The following SEC23B variants were observed in gnomAD, a reference collection of about 807,000 sequenced individuals.
The protein encoded by SEC23B is SEC23 homolog B, COPII component, also known as protein transport protein Sec23B.
In SEC23B, 77 loss-of-function variants were observed where a neutral mutation model predicts 104.3. That is an observed-to-expected ratio of 0.74 (90% CI 0.61 to 0.89). The LOEUF is 0.89. Among genes scored for constraint, SEC23B ranks in the 40% least tolerant of loss-of-function variants. SEC23B has a pLI of 0.00. For synonymous variants in SEC23B, 338 were observed against 332.5 expected, an observed-to-expected ratio of 1.02 and a Z score of -0.18; for missense variants, 885 against 949.4, an observed-to-expected ratio of 0.93 and a Z score of 0.89.
chr20:18,549,846 C>T (rs190683434), intron 16 of SEC23B, among the ~76,000 whole-genome samples: 184 of 151,844 alleles, frequency 1.2e-3, no homozygotes, highest in African/African-American at 4.2e-3. Context: ...CTTGGAATGG[C>T]GCCAATAATC....
At chr20:18,541,216 C>T (rs943500439) in intron 12 of SEC23B, among the ~76,000 whole-genome samples, 19 of 152,350 alleles carry the variant, frequency 1.2e-4, no homozygotes, top group South Asian at 4.1e-4. Flanking sequence ...GAGTTGGGAC[C>T]TTGCTCTGGA....
intron 4 of SEC23B, 53 bp from the exon 5 acceptor site, chr20:18,524,380 C>A: frequency 7.5e-7 from 1 of 1,340,670 alleles, no homozygotes; most frequent in Non-Finnish European, 1.1e-6. Context: ...TTAAAAAGTG[C>A]TGGTTAAGTC....
chr20:18,542,433 G>A, intron 13 of SEC23B, 31 bp downstream of exon 13: 1 of 1,553,962 alleles, frequency 6.4e-7, no homozygotes, highest in Non-Finnish European at 8.9e-7. Flanking sequence ...TTCTGTTGAG[G>A]AACTGACTGA....
intron 10 of SEC23B, 72 bp downstream of exon 10, chr20:18,530,875 C>T (rs1481443189): frequency 3.9e-6 from 5 of 1,286,616 alleles, no homozygotes; most frequent in Non-Finnish European, 5.6e-6. Flanking sequence ...CTCCTGGTCT[C>T]AGGCAATTTT....
intron 12 of SEC23B, among the ~76,000 whole-genome samples, chr20:18,537,258 A>G (rs6045449): frequency 0.13 from 19,608 of 151,544 alleles, 1,341 homozygotes; most frequent in Admixed American, 0.18. Flanking sequence ...CCAAAGGACT[A>G]TAAATCATGC....
chr20:18,519,605 A>G (rs1422000898), intron 4 of SEC23B, among the ~76,000 whole-genome samples: 2 of 152,140 alleles, frequency 1.3e-5, no homozygotes, highest in Admixed American at 6.5e-5. Flanking sequence ...GTGTGTAATG[A>G]AAAGGGTTGG....
chr20:18,559,866 G>A (rs771719793), intron 19 of SEC23B, among the ~76,000 whole-genome samples: 9 of 152,006 alleles, frequency 5.9e-5, no homozygotes, highest in African/African-American at 9.7e-5. Context: ...TAAGATGCCC[G>A]AAGTTTTCAG....
In SEC23B at chr20:18,524,978, C is replaced by T. The variant is rs1251073127; in HGVS notation, c.647C>T (p.Ala216Val). The T allele has an allele frequency of 1.2e-6, 2 of 1,613,872 alleles. No individual in the cohort carries two copies. The highest frequency in any genetic ancestry group is 1.7e-5 in the Admixed American group (1 of 59,990). The change falls in exon 6 of 20, where the codon GCA (alanine) becomes GTA (valine). Residue 216 changes from alanine to valine, a missense_variant. Ala to Val is a moderately conservative substitution (Grantham distance 64, BLOSUM62 0). Transcript: ENST00000650089. ...AAGCCAGCCATGCCCATGCAGCAAG[C>T]ACGACCTGCACAACCACAGGAGCAC... is the stretch of plus-strand genomic sequence containing the variant. The part of the protein sequence containing the change: ...LTKPAMPMQQ[A>V]RPAQPQEHPF...
At chr20:18,534,972 T>G (rs80230154) in intron 11 of SEC23B, among the ~76,000 whole-genome samples, 3,474 of 152,244 alleles carry the variant, frequency 0.023, 64 homozygotes, top group African/African-American at 0.033. Context: ...AAACACCTGC[T>G]TCCTTTAGAA....
At chr20:18,560,426 A>G (rs561814566) in intron 19 of SEC23B, among the ~76,000 whole-genome samples, 1 of 152,174 alleles carries the variant, frequency 6.6e-6, no homozygotes, top group Non-Finnish European at 1.5e-5. Context: ...GCTCAAAACT[A>G]GCAGGCGGTG....
intron 12 of SEC23B, among the ~76,000 whole-genome samples, chr20:18,539,032 C>T (rs1186402523): frequency 3.6e-5 from 5 of 139,782 alleles, no homozygotes; most frequent in Non-Finnish European, 6.2e-5. Flanking sequence ...GGTGAAACCC[C>T]GTCTCTACTA....
Position 18,507,970 on chromosome 20 carries a change from TAGGTGAGCGGCTCCGGCC to T in SEC23B, c.-15+9_-15+26del, listed in dbSNP as rs1359025791. 1 of 152,726 alleles carries T rather than the reference TAGGTGAGCGGCTCCGGCC, an allele frequency of 6.5e-6. No homozygotes were observed. The allele number at this position is 152,726 out of a possible 1,614,324, so 9.5% of individuals were successfully genotyped here. On this transcript the variant is annotated splice_donor_variant and splice_donor_5th_base_variant and 5_prime_UTR_variant and intron_variant, in exon 1 of 20. Transcript: ENST00000650089. LOFTEE classifies it low-confidence loss of function (5UTR_SPLICE). Reference sequence around the variant, plus strand: ...AGCTGTGGGTGAGGACGGCTCTAGCTAGGTGAGCGGCTCCGGCCAGGTGAGCGGGGCGCATAGGTGACG... The same window carrying T: ...AGCTGTGGGTGAGGACGGCTCTAGCTAGGTGAGCGGGGCGCATAGGTGACG...
At chr20:18,535,835 C>T in intron 12 of SEC23B, 93 bp downstream of exon 12, 1 of 951,294 alleles carries the variant, frequency 1.1e-6, no homozygotes. Context: ...TCTTCACAAA[C>T]CAATATTCCT....
At chr20:18,537,419 G>A (rs1277467468) in intron 12 of SEC23B, among the ~76,000 whole-genome samples, 3 of 151,588 alleles carry the variant, frequency 2.0e-5, no homozygotes, top group East Asian at 1.9e-4. Flanking sequence ...CATAAAAAAC[G>A]ATGAGTTCAT....
rs114256319 is a variant in SEC23B, at chr20:18,541,947, G to A, written c.1405-349G>A. Among the ~76,000 whole-genome samples the A allele has an allele frequency of 2.8e-3, 420 of 152,238 alleles. 2 individuals are homozygous for A. The highest frequency in any genetic ancestry group is 9.5e-3 in the African/African-American group (395 of 41,538). ...GTGTTTGTTTAATGATTAACAATCCGTCACAAACTGGATAATTCATCAGCA... is the reference window on the plus strand; with the variant it reads ...GTGTTTGTTTAATGATTAACAATCCATCACAAACTGGATAATTCATCAGCA... On this transcript the variant is annotated intron_variant, in intron 12 of 19. Coordinates refer to ENST00000650089, the MANE Select transcript of SEC23B (RefSeq NM_006363.6).
chr20:18,560,522 G>T (rs1196981119), intron 19 of SEC23B, 129 bp from the exon 20 acceptor site: 1 of 742,832 alleles, frequency 1.3e-6, no homozygotes, highest in Non-Finnish European at 2.4e-6. Flanking sequence ...GCAGAGGATG[G>T]GGTGATGGGA....
Position 18,546,026 on chromosome 20 carries a change from A to G in SEC23B, c.1736A>G (p.Tyr579Cys). Reference sequence around the variant, plus strand: ...AGGTTATCAGATTCCTTTTCTCTATATCCTCAGGTAAGTAATGTATGTTTC... The same window carrying G: ...AGGTTATCAGATTCCTTTTCTCTATGTCCTCAGGTAAGTAATGTATGTTTC... ...SFRLSDSFSL[Y>C]PQFMFHLRRS... Residue 579 changes from tyrosine (Y) to cysteine (C), a missense_variant, in exon 15 of 20, where the codon TAT becomes TGT. Coordinates refer to ENST00000650089, the MANE Select transcript of SEC23B (RefSeq NM_006363.6). The G allele has an allele frequency of 6.7e-7, 1 of 1,496,218 alleles. No homozygotes were observed. Among genetic ancestry groups the G allele is most frequent in the Non-Finnish European group, 9.3e-7 (1 of 1,072,414 alleles). The allele number at this position is 1,496,218 out of a possible 1,614,324, so 92.7% of individuals were successfully genotyped here. A position where few individuals can be genotyped will look rare whatever the true frequency, so the allele number is the denominator to read the frequency against.
chr20:18,518,934 A>G (rs1298106577), intron 4 of SEC23B, among the ~76,000 whole-genome samples: 1 of 152,172 alleles, frequency 6.6e-6, no homozygotes, highest in African/African-American at 2.4e-5. Context: ...GGTGCAGGAT[A>G]TGGAAGGCAT....
rs755836066 is a variant in SEC23B at position 18,542,377 on chromosome 20, A to G, written c.1486A>G (p.Ile496Val). The G allele has an allele frequency of 2.5e-6, 4 of 1,614,108 alleles. No homozygotes were observed. The highest frequency in any genetic ancestry group is 1.7e-5 in the Admixed American group (1 of 60,008). ...TCAGCACTCCAGCACCCAGAGACGC[A>G]TCCGCGTGACCACCATCGCCCGAAA... ...HYQHSSTQRR[I>V]RVTTIARNWA... The change falls in exon 13 of 20, where the codon ATC becomes GTC. Residue 496 changes from isoleucine to valine, a missense_variant. Ile to Val is a conservative substitution (Grantham distance 29). Coordinates refer to ENST00000650089, the MANE Select transcript of SEC23B (RefSeq NM_006363.6).
Sources: allele counts gnomAD v4.1 joint callset (sites outside exome capture counted in the v4.1 genomes callset), GRCh38; gene constraint gnomAD v4.1.1; transcripts MANE v1.5; gene names NCBI Gene and HGNC (gene_info 2026-07-23, HGNC 2026-07-21).